Variants in TIMELESS observed in about 807,000 individuals in gnomAD.
TIMELESS encodes protein timeless homolog.
In TIMELESS, 124 loss-of-function variants were observed where a neutral mutation model predicts 164.3. The observed-to-expected ratio is 0.75, with a 90% CI of 0.65 to 0.88. The LOEUF (loss-of-function observed/expected upper bound fraction) is 0.88, where lower values mean the gene tolerates loss of function less well. TIMELESS is among the 40% of genes least tolerant of loss of function. The probability of loss-of-function intolerance (pLI) is 0.00; values close to 1 mark genes in which losing one functional copy is unlikely to be tolerated. For synonymous variants in TIMELESS, 564 were observed against 563.4 expected, an observed-to-expected ratio of 1.00 and a Z score of -0.02; for missense variants, 1,422 against 1,491.4, an observed-to-expected ratio of 0.95 and a Z score of 0.77.
At chr12:56,445,152 G>A (rs12815993) in intron 1 of TIMELESS, among the ~76,000 whole-genome samples, 53,507 of 151,554 alleles carry the variant, frequency 0.35, 11,206 homozygotes, top group Non-Finnish European at 0.47. Context: ...AGGGCCAGGC[G>A]CAGTGGCTCA....
At chr12:56,437,629 C>T (rs919372851) in intron 1 of TIMELESS, among the ~76,000 whole-genome samples, 6 of 151,938 alleles carry the variant, frequency 3.9e-5, no homozygotes, top group African/African-American at 1.5e-4. Flanking sequence ...GAGCAAGAAG[C>T]AAGATAAAAG....
chr12:56,431,675 A>T (rs1402892353), intron 7 of TIMELESS, 71 bp from the exon 8 acceptor site: 3 of 1,549,238 alleles, frequency 1.9e-6, no homozygotes, highest in Non-Finnish European at 2.6e-6. Flanking sequence ...CCTACTGGGG[A>T]TGCAAAGAGT....
rs772230760 is a variant in TIMELESS at position 56,417,925 on chromosome 12, C to T, written c.3538G>A (p.Asp1180Asn). 6.2e-7 allele frequency: 1 copy of T among 1,614,080 alleles called. No homozygotes were observed. The highest frequency in any genetic ancestry group is 1.3e-5 in the African/African-American group (1 of 74,914). The change falls in exon 28 of 29, where the codon GAT (aspartate) becomes AAT (asparagine). Residue 1180 changes from aspartate to asparagine, a missense_variant. Transcript: ENST00000553532. ...TCCCTACCTCTGTTCCTGCCCTCATCTTCTTCCTGTTCCTCGTCGCTGTCC... is the reference window on the plus strand; with the variant it reads ...TCCCTACCTCTGTTCCTGCCCTCATTTTCTTCCTGTTCCTCGTCGCTGTCC... ...LLDSDEEQEE[D>N]EGRNRAPELG...
chr12:56,421,640 C>T, intron 22 of TIMELESS, 87 bp downstream of exon 22: 1 of 1,553,200 alleles, frequency 6.4e-7, no homozygotes, highest in Non-Finnish European at 8.9e-7. Flanking sequence ...ATGGGAGAAT[C>T]TTTCCTTGGG....
At position 56,440,388 on chromosome 12, in the gene TIMELESS, G is replaced by A. The variant is rs1234323616; in HGVS notation, c.-61-6157C>T. ...TCCTGACCTCATGATCTGCCCACCT[G>A]GGCCTCCCAAAGTGCTGGGATACCA... is the stretch of plus-strand genomic sequence containing the variant. On this transcript the variant is annotated intron_variant, in intron 1 of 28. Transcript: ENST00000553532. Among the ~76,000 whole-genome samples the A allele has an allele frequency of 2.0e-5, 3 of 151,948 alleles. No homozygotes were observed. The East Asian group carries it at 5.8e-4, about 29-fold the overall frequency.
intron 1 of TIMELESS, among the ~76,000 whole-genome samples, chr12:56,436,314 T>C (rs1438574360): frequency 1.3e-5 from 2 of 151,594 alleles, no homozygotes; most frequent in East Asian, 3.9e-4. Context: ...ATTAGCTGGG[T>C]GTGGTGGTGT....
rs1397387112 is a variant in TIMELESS at position 56,428,908 on chromosome 12, T to G, written c.1279A>C (p.Lys427Gln). 2 of 1,613,846 alleles carry G rather than the reference T, an allele frequency of 1.2e-6. No individual in the cohort carries two copies. Among genetic ancestry groups the G allele is most frequent in the East Asian group, 4.5e-5 (2 of 44,886 alleles). The change falls in exon 11 of 29, where the codon AAG becomes CAG. Residue 427 changes from lysine (K) to glutamine (Q), a missense_variant. Physicochemically the swap from Lys to Gln is moderately conservative, Grantham distance 53. Transcript: ENST00000553532. ...CGGCGTGCCCAGGAGGCAGCTTCCT[T>G]GCGGTCAGTCAGCATCATCTCATAG... is the stretch of plus-strand genomic sequence containing the variant. ...NYYEMMLTDRKEAASWARRMH... is the reference protein window; with the variant it reads ...NYYEMMLTDRQEAASWARRMH...
chr12:56,424,801 C>T lies in TIMELESS; in HGVS notation c.1829G>A (p.Gly610Asp), dbSNP rs776253374. 2 of 1,614,174 alleles carry T rather than the reference C, an allele frequency of 1.2e-6. No individual in the cohort carries two copies. Among genetic ancestry groups the T allele is most frequent in the Admixed American group, 3.3e-5 (2 of 60,014 alleles). The stretch of plus-strand genomic sequence containing the variant: ...GAGAGTCAGGGCCTGTGGGGCCTGG[C>T]CAGCCAGGAGACAGTCTTGGATCCG... ...MVRIQDCLLA[G>D]QAPQALTLLR... Residue 610 changes from glycine (G) to aspartate (D), a missense_variant, in exon 15 of 29, where the codon GGC becomes GAC. Gly to Asp is a moderately conservative substitution (Grantham distance 94, BLOSUM62 -1). Transcript: ENST00000553532.
Position 56,417,655 on chromosome 12 carries a change from C to A in TIMELESS, c.*61G>T. 1 of 1,564,658 alleles carries A rather than the reference C, an allele frequency of 6.4e-7. No individual in the cohort carries two copies. Among genetic ancestry groups the A allele is most frequent in the Non-Finnish European group, 8.8e-7 (1 of 1,135,502 alleles). ...TCTGGGTCCTGTATGACCCTTCCAA[C>A]TCTGACTTGAATGCACCATCTAAAA... On this transcript the variant is annotated 3_prime_UTR_variant, in exon 29 of 29. Transcript: ENST00000553532.
rs1275931422 is a variant in TIMELESS, at chr12:56,445,827, T to C, written c.-62+3483A>G. ...GTTGCTGTCTATCCTTCTATCCCAA[T>C]TGCTACTGCCTTAGTTCAGTTCCTG... On this transcript the variant is annotated intron_variant, in intron 1 of 28. Transcript: ENST00000553532. Among the ~76,000 whole-genome samples the C allele has an allele frequency of 3.3e-5, 5 of 152,314 alleles. No individual in the cohort carries two copies. The East Asian group carries it at 9.6e-4, about 29-fold the overall frequency.
At chr12:56,428,483 G>C in intron 12 of TIMELESS, 66 bp downstream of exon 12, 1 of 1,607,914 alleles carries the variant, frequency 6.2e-7, no homozygotes, top group Non-Finnish European at 8.5e-7. Context: ...AGCTGGGACT[G>C]GGAAGAATGA....
Position 56,428,970 on chromosome 12 carries a change from C to A in TIMELESS, c.1217G>T (p.Arg406Leu), listed in dbSNP as rs759756722. The part of the protein sequence containing the change: ...PGLVSETLSV[R>L]TFHFIEQNLT... ...GTTCTGCTCAATGAAGTGGAAGGTACGGACACTGAGGGTCTCAGAAACCAG... is the reference window on the plus strand; with the variant it reads ...GTTCTGCTCAATGAAGTGGAAGGTAAGGACACTGAGGGTCTCAGAAACCAG... The change falls in exon 11 of 29, where the codon CGT becomes CTT. Residue 406 changes from arginine (R) to leucine (L), a missense_variant. Physicochemically the swap from Arg to Leu is moderately radical, Grantham distance 102. Transcript: ENST00000553532. 6.2e-7 allele frequency: 1 copy of A among 1,614,136 alleles called. No homozygotes were observed. The highest frequency in any genetic ancestry group is 8.5e-7 in the Non-Finnish European group (1 of 1,180,024).
Position 56,432,411 on chromosome 12 carries a change from G to T in TIMELESS, c.645C>A (p.Ser215Arg), listed in dbSNP as rs1475754574. ...LASSSAEEQW[S>R]LHVLEIVSLM... is the part of the protein sequence containing the mutation. Reference sequence around the variant, plus strand: ...GGGAGACAATCTCTAGCACATGTAGGCTCCATTGCTCCTCAGCAGACGAGC... The same window carrying T: ...GGGAGACAATCTCTAGCACATGTAGTCTCCATTGCTCCTCAGCAGACGAGC... The change falls in exon 7 of 29, where the codon AGC becomes AGA. Residue 215 changes from serine to arginine, a missense_variant. Physicochemically the swap from Ser to Arg is moderately radical, Grantham distance 110. Coordinates refer to ENST00000553532, the MANE Select transcript of TIMELESS (RefSeq NM_003920.5). The T allele has an allele frequency of 2.5e-6, 4 of 1,614,090 alleles. No individual in the cohort carries two copies.
Position 56,430,284 on chromosome 12 carries a change from G to A in TIMELESS, c.910-3C>T. Reference sequence around the variant, plus strand: ...AAATCTGAACTGTAGTTTCGTAGCTGGGTGTGTCGGTTGGGGGATTAGAAT... The same window carrying A: ...AAATCTGAACTGTAGTTTCGTAGCTAGGTGTGTCGGTTGGGGGATTAGAAT... On this transcript the variant is annotated splice_region_variant and splice_polypyrimidine_tract_variant and intron_variant, in intron 9 of 28. Transcript: ENST00000553532. 6.2e-7 allele frequency: 1 copy of A among 1,611,462 alleles called. No homozygotes were observed. The highest frequency in any genetic ancestry group is 1.3e-5 in the African/African-American group (1 of 74,928).
At chr12:56,420,181 G>A (rs181591073) in intron 26 of TIMELESS, among the ~76,000 whole-genome samples, 2 of 150,408 alleles carry the variant, frequency 1.3e-5, no homozygotes, top group Admixed American at 6.6e-5. Flanking sequence ...TAGAAATGAC[G>A]AAGTATACAG....
rs767958759 is a variant in TIMELESS, at chr12:56,422,214, G to C, written c.2439-23C>G. Reference sequence around the variant, plus strand: ...GACCTGAATGGTGAAAGGAGAAAGGGAGCATATAGGTTCTTGGCCCAAAAA... The same window carrying C: ...GACCTGAATGGTGAAAGGAGAAAGGCAGCATATAGGTTCTTGGCCCAAAAA... On this transcript the variant is annotated intron_variant, in intron 19 of 28. Coordinates refer to ENST00000553532, the MANE Select transcript of TIMELESS (RefSeq NM_003920.5). 5 of 1,610,460 alleles carry C rather than the reference G, an allele frequency of 3.1e-6. No homozygotes were observed. In the African/African-American group the frequency reaches 6.7e-5, roughly 22 times the overall value.
chr12:56,429,132 CA>C (rs1344949905), intron 10 of TIMELESS, 32 bp from the exon 11 acceptor site: 1 of 1,578,010 alleles, frequency 6.3e-7, no homozygotes, highest in East Asian at 2.3e-5. Flanking sequence ...AAAAGATCAC[CA>C]TGACTCCAGG....
In TIMELESS at chr12:56,421,093, A is replaced by C; in HGVS notation, c.2910T>G (p.Asp970Glu). The change falls in exon 24 of 29, where the codon GAT becomes GAG. Residue 970 changes from aspartate to glutamate, a missense_variant. By Grantham distance (45) the Asp-to-Glu change is conservative. Coordinates refer to ENST00000553532, the MANE Select transcript of TIMELESS (RefSeq NM_003920.5). ...CAGGCAGGTTTTCCTCTTCTTCCAG[A>C]TCTTCCTGGCAAAAATCTTTCAGGG... ...AESLKDFCQEDLEEEENLPEE... is the reference protein window; with the variant it reads ...AESLKDFCQEELEEEENLPEE... 1 of 1,614,008 alleles carries C rather than the reference A, an allele frequency of 6.2e-7. No homozygotes were observed. Among genetic ancestry groups the C allele is most frequent in the Non-Finnish European group, 8.5e-7 (1 of 1,179,994 alleles).
intron 26 of TIMELESS, 92 bp from the exon 27 acceptor site, chr12:56,418,451 G>A (rs1881345669): frequency 3.5e-6 from 3 of 861,594 alleles, no homozygotes; most frequent in Non-Finnish European, 5.5e-6. Context: ...CAATATTGGT[G>A]AAGATCCACA....
Sources: allele counts gnomAD v4.1 joint callset (sites outside exome capture counted in the v4.1 genomes callset), GRCh38; gene constraint gnomAD v4.1.1; transcripts MANE v1.5; gene names NCBI Gene and HGNC (gene_info 2026-07-23, HGNC 2026-07-21).